ADA: variants seen among roughly 807,000 people sequenced by gnomAD.
The protein encoded by ADA is adenosine deaminase, also known as adenosine aminohydrolase.
Under a neutral mutation model 49.0 loss-of-function variants are expected in ADA, and 45 were observed. The observed-to-expected ratio is 0.92, with a 90% confidence interval of 0.72 to 1.18. ADA has a LOEUF of 1.18. Ranked by LOEUF, ADA falls within the 50% of genes most tolerant of loss-of-function variation. ADA has a pLI of 0.00. For synonymous variants in ADA, 173 were observed against 184.2 expected (o/e 0.94, Z 0.49); for missense variants, 445 against 472.5 (o/e 0.94, Z 0.54).
intron 1 of ADA, among the ~76,000 whole-genome samples, chr20:44,643,489 A>G (rs1291057750): frequency 6.6e-6 from 1 of 152,200 alleles, no homozygotes; most frequent in Non-Finnish European, 1.5e-5. Context: ...ATCCCTAGGC[A>G]ATGTACATAT....
intron 1 of ADA, among the ~76,000 whole-genome samples, chr20:44,651,106 G>T (rs1363422452): frequency 6.6e-6 from 1 of 152,112 alleles, no homozygotes; most frequent in African/African-American, 2.4e-5. Flanking sequence ...TCCCCGGGGC[G>T]CATCCACAAA....
At chr20:44,647,833 C>T (rs1010338531) in intron 1 of ADA, among the ~76,000 whole-genome samples, 5 of 152,034 alleles carry the variant, frequency 3.3e-5, no homozygotes, top group African/African-American at 4.8e-5. Context: ...AGAAGAATGG[C>T]TTGAACTCGG....
chr20:44,621,190 T>G, intron 9 of ADA, 43 bp from the exon 10 acceptor site: 1 of 1,613,628 alleles, frequency 6.2e-7, no homozygotes, highest in Non-Finnish European at 8.5e-7. Context: ...CCTTTTACTC[T>G]TACATAAATA....
intron 1 of ADA, among the ~76,000 whole-genome samples, chr20:44,638,621 C>T (rs150336581): frequency 6.6e-5 from 10 of 152,236 alleles, no homozygotes; most frequent in Admixed American, 4.6e-4. Context: ...CGAAGGCCTG[C>T]GCTCCTGCTG....
intron 2 of ADA, among the ~76,000 whole-genome samples, chr20:44,629,981 C>T (rs2065418852): frequency 6.6e-6 from 1 of 151,756 alleles, no homozygotes; most frequent in Non-Finnish European, 1.5e-5. Flanking sequence ...CACAAGGTCA[C>T]CTCGAGCCTC....
chr20:44,645,020 C>G lies in ADA; in HGVS notation c.33+6555G>C, dbSNP rs375672334. On this transcript the variant is annotated intron_variant, in intron 1 of 11. Transcript: ENST00000372874. ...ACCACAGCCAGGAAGCTATTTGACTCTAAACCCGGAGGTCTAGCAGCACGC... is the reference window on the plus strand; with the variant it reads ...ACCACAGCCAGGAAGCTATTTGACTGTAAACCCGGAGGTCTAGCAGCACGC... 7.2e-5 allele frequency among the ~76,000 whole-genome samples: 11 copies of G among 152,334 alleles called. No individual in the cohort carries two copies. In the East Asian group the frequency reaches 7.7e-4, roughly 11 times the overall value.
chr20:44,620,418 G>A lies in ADA; in HGVS notation c.976-17C>T. ...ATTGATGTTCTGGAAAGGCCAGAAT[G>A]GCAGACAACATGGAACCAGAGAACA... is the stretch of plus-strand genomic sequence containing the variant. On this transcript the variant is annotated splice_polypyrimidine_tract_variant and intron_variant, in intron 10 of 11. Transcript: ENST00000372874. 1 of 1,601,352 alleles carries A rather than the reference G, an allele frequency of 6.2e-7. No homozygotes were observed. Among genetic ancestry groups the A allele is most frequent in the East Asian group, 2.2e-5 (1 of 44,816 alleles).
rs778994749 is a variant in ADA at position 44,626,558 on chromosome 20, A to G, written c.260T>C (p.Val87Ala). The stretch of plus-strand genomic sequence containing the variant: ...CACGCCCTCTTTGGCCTTCATCTCT[A>G]CAAACTCATAGGCGATCCTTTTGAT... ...EAIKRIAYEFVEMKAKEGVVY... is the reference protein window; with the variant it reads ...EAIKRIAYEFAEMKAKEGVVY... The change falls in exon 4 of 12, where the codon GTA (valine) becomes GCA (alanine). Residue 87 changes from valine (V) to alanine (A), a missense_variant. Transcript: ENST00000372874. 6.8e-6 allele frequency: 11 copies of G among 1,614,036 alleles called. No homozygotes were observed. In the Admixed American group the frequency reaches 1.2e-4, roughly 17 times the overall value.
At chr20:44,642,241 C>T (rs2065542724) in intron 1 of ADA, among the ~76,000 whole-genome samples, 1 of 152,162 alleles carries the variant, frequency 6.6e-6, no homozygotes, top group South Asian at 2.1e-4. Flanking sequence ...ATGAGGTCAA[C>T]CTGGGTCTCT....
intron 1 of ADA, among the ~76,000 whole-genome samples, chr20:44,647,932 G>C (rs540632658): frequency 2.0e-4 from 31 of 152,066 alleles, no homozygotes; most frequent in South Asian, 1.0e-3. Flanking sequence ...TGTAGTCCCA[G>C]CTACTTGGGA....
At chr20:44,620,562 A>G (rs547460144) in intron 10 of ADA, 161 bp from the exon 11 acceptor site, 2 of 703,956 alleles carry the variant, frequency 2.8e-6, no homozygotes, top group East Asian at 2.7e-5. Flanking sequence ...CAGAGTAGAG[A>G]CCATGAGGTC....
At chr20:44,637,869 G>C (rs945279649) in intron 1 of ADA, among the ~76,000 whole-genome samples, 2 of 152,200 alleles carry the variant, frequency 1.3e-5, no homozygotes, top group Non-Finnish European at 2.9e-5. Context: ...AATGAGTTCA[G>C]TTCCCACCCA....
intron 6 of ADA, among the ~76,000 whole-genome samples, chr20:44,623,644 TTCTC>T (rs938096171): frequency 2.0e-5 from 3 of 149,108 alleles, no homozygotes; most frequent in Admixed American, 1.3e-4. Context: ...AGGCTTTTCT[TTCTC>T]TCTCCCTTCC....
intron 9 of ADA, among the ~76,000 whole-genome samples, 181 bp downstream of exon 9, chr20:44,622,407 G>A (rs2123515918): frequency 6.6e-6 from 1 of 152,252 alleles, no homozygotes; most frequent in East Asian, 1.9e-4. Flanking sequence ...TCAAGCCACA[G>A]CACATCTGGG....
At chr20:44,628,292 A>G (rs2065400835) in intron 3 of ADA, among the ~76,000 whole-genome samples, 1 of 152,172 alleles carries the variant, frequency 6.6e-6, no homozygotes, top group Non-Finnish European at 1.5e-5. Context: ...TGGGAGGCCG[A>G]GGCGGGCAGA....
chr20:44,626,017 AG>A (rs2065379366), intron 4 of ADA, among the ~76,000 whole-genome samples: 1 of 152,192 alleles, frequency 6.6e-6, no homozygotes, highest in Non-Finnish European at 1.5e-5. Flanking sequence ...AAAATGGGGC[AG>A]GGTGGTTTTG....
intron 2 of ADA, 156 bp downstream of exon 2, chr20:44,636,071 C>T: frequency 1.4e-6 from 1 of 738,338 alleles, no homozygotes; most frequent in East Asian, 2.7e-5. Context: ...CTGAGGCCTC[C>T]ATGTCCTCAC....
At chr20:44,629,461 C>T (rs962982398) in intron 2 of ADA, among the ~76,000 whole-genome samples, 1 of 152,158 alleles carries the variant, frequency 6.6e-6, no homozygotes, top group Non-Finnish European at 1.5e-5. Flanking sequence ...CATGCACACA[C>T]CCCCTCCATA....
At position 44,651,602 on chromosome 20, in the gene ADA, G is replaced by A. The variant is rs767788896; in HGVS notation, c.6C>T (p.Ala2=). 3.1e-5 allele frequency: 47 copies of A among 1,537,918 alleles called. 2 individuals are homozygous for A. The South Asian group carries it at 4.3e-4, about 14-fold the overall frequency. M[A]QTPAFDKPKV... is the part of the protein sequence containing the mutation. ...TGGGCTTGTCGAAGGCGGGCGTCTGGGCCATGGTGCCCTCGTGCGCCCCGG... is the reference window on the plus strand; with the variant it reads ...TGGGCTTGTCGAAGGCGGGCGTCTGAGCCATGGTGCCCTCGTGCGCCCCGG... Residue 2 remains alanine, a synonymous_variant, in exon 1 of 12, where the codon GCC becomes GCT. Coordinates refer to ENST00000372874, the MANE Select transcript of ADA (RefSeq NM_000022.4).
Sources: allele counts gnomAD v4.1 joint callset (sites outside exome capture counted in the v4.1 genomes callset), GRCh38; gene constraint gnomAD v4.1.1; transcripts MANE v1.5; gene names NCBI Gene and HGNC (gene_info 2026-07-23, HGNC 2026-07-21).